The following NDRG2 variants were observed in gnomAD, a reference collection of about 807,000 sequenced individuals.
The protein encoded by NDRG2 is protein NDRG2.
In NDRG2, 34 loss-of-function variants were observed where a neutral mutation model predicts 58.2. The observed-to-expected ratio is 0.58, with a 90% CI of 0.44 to 0.78. The LOEUF (loss-of-function observed/expected upper bound fraction) is 0.78, where lower values mean the gene tolerates loss of function less well. NDRG2 is among the 30% of genes least tolerant of loss of function. The pLI, the probability that NDRG2 is intolerant of heterozygous loss-of-function variation, is 0.00. For synonymous variants in NDRG2, 187 were observed against 175.9 expected (o/e 1.06, Z -0.50); for missense variants, 434 against 471.2 (o/e 0.92, Z 0.73).
chr14:21,044,267 C>T (rs1885044644), intron 1 of NDRG2: 1 of 159,850 alleles, frequency 6.3e-6, no homozygotes, highest in Non-Finnish European at 1.5e-5. Context: ...GCATTTTATT[C>T]CTTCTCTCTC....
At position 21,045,253 on chromosome 14, in the gene NDRG2, G is replaced by A. The variant is rs537913011; in HGVS notation, c.25-21932C>T. 2.6e-5 allele frequency among the ~76,000 whole-genome samples: 4 copies of A among 152,310 alleles called. No homozygotes were observed. The South Asian group carries it at 8.3e-4, about 32-fold the overall frequency. ...CAGCCAGGTTGTCTGAGATGATGAG[G>A]AGAGAAAGTAAGGAAAGGATGATTA... On this transcript the variant is annotated intron_variant, in intron 1 of 14. Coordinates refer to the NDRG2 transcript ENST00000403829.
chr14:21,020,178 C>T (rs1441831761), intron 8 of NDRG2: 3 of 571,744 alleles, frequency 5.2e-6, no homozygotes, highest in East Asian at 3.1e-5. Context: ...CCTGTAATCC[C>T]AGCTACTTGG....
intron 1 of NDRG2, chr14:21,032,105 C>T: frequency 6.2e-7 from 1 of 1,603,400 alleles, no homozygotes. Context: ...GCCTGCTAGC[C>T]CCCTGACCCT....
At chr14:21,032,781 A>G (rs770032458) in intron 1 of NDRG2, 42 of 372,688 alleles carry the variant, frequency 1.1e-4, no homozygotes, top group Non-Finnish European at 1.8e-4. Context: ...GTTCTGGTGC[A>G]CTGAAGAAAA....
At chr14:21,025,682 C>T (rs1883493301), upstream of NDRG2, 2 of 985,188 alleles carry the variant, frequency 2.0e-6, no homozygotes, top group Non-Finnish European at 2.4e-6. This position sits in a 1 kb window ranked among gnomAD's most constrained non-coding sequence, Gnocchi z 5.1. Context: ...GGTACCTCTC[C>T]TCTCTTTGCT....
rs898471929 is a variant in NDRG2, at chr14:21,024,972, G to C, written c.-949C>G. The C allele has an allele frequency of 1.4e-5, 14 of 985,472 alleles. No individual in the cohort carries two copies. The African/African-American group carries it at 2.3e-4, about 16-fold the overall frequency. The allele number at this position is 985,472 out of a possible 1,614,324, so 61.0% of individuals were successfully genotyped here. ...GGGACGCGGATCAATCACACCGCCC[G>C]CCGGCCCGGCTGGCGCCTTCCAGGC... On this transcript the variant is annotated 5_prime_UTR_variant, in exon 1 of 16. Transcript: ENST00000556147.
At chr14:21,067,337 C>T (rs532195396) in intron 1 of NDRG2, among the ~76,000 whole-genome samples, 9 of 152,066 alleles carry the variant, frequency 5.9e-5, no homozygotes, top group African/African-American at 2.2e-4. Context: ...AACCTCAGTG[C>T]TGGCTTCTAC....
upstream of NDRG2, chr14:21,025,505 C>T (rs1284105340): frequency 4.1e-6 from 4 of 985,450 alleles, no homozygotes; most frequent in Non-Finnish European, 4.8e-6. The surrounding 1 kb of genome is among the most constrained non-coding windows in gnomAD (Gnocchi z 5.1). Flanking sequence ...TCGACTCCCC[C>T]CGCCCGAACA....
Position 21,062,800 on chromosome 14 carries a change from G to T in NDRG2, c.24+8028C>A, listed in dbSNP as rs922574727. 4.7e-5 allele frequency among the ~76,000 whole-genome samples: 7 copies of T among 149,938 alleles called. No individual in the cohort carries two copies. The East Asian group carries it at 1.2e-3, about 26-fold the overall frequency. ...GTTGTCCAGGCTGGAGTAGTGCAGT[G>T]GTGCGATCTCAGCTCACTGCAACCT... is the stretch of plus-strand genomic sequence containing the variant. On this transcript the variant is annotated intron_variant, in intron 1 of 14. Coordinates refer to the NDRG2 transcript ENST00000403829.
At chr14:21,031,642 C>G (rs1049605508) in intron 1 of NDRG2, among the ~76,000 whole-genome samples, 2 of 152,038 alleles carry the variant, frequency 1.3e-5, no homozygotes, top group Non-Finnish European at 2.9e-5. Flanking sequence ...CCTCTGGAAA[C>G]AAAAAACCTA....
chr14:21,051,177 C>T (rs1441731098), intron 1 of NDRG2, among the ~76,000 whole-genome samples: 1 of 152,158 alleles, frequency 6.6e-6, no homozygotes, highest in Non-Finnish European at 1.5e-5. Context: ...CCTTAACTTG[C>T]TCTTTGTGGA....
upstream of NDRG2, chr14:21,025,253 G>A (rs2139041689): frequency 2.3e-6 from 2 of 853,092 alleles, no homozygotes; most frequent in Non-Finnish European, 2.8e-6. The surrounding 1 kb of genome is among the most constrained non-coding windows in gnomAD (Gnocchi z 5.1). Flanking sequence ...GGGGCGGGCG[G>A]CTGGACGCTT....
chr14:21,037,984 G>T (rs1231242334), intron 1 of NDRG2, among the ~76,000 whole-genome samples: 1 of 152,174 alleles, frequency 6.6e-6, no homozygotes, highest in Non-Finnish European at 1.5e-5. Context: ...CTCTGAGTGG[G>T]CTCACCATGA....
intron 1 of NDRG2, among the ~76,000 whole-genome samples, chr14:21,067,146 A>G (rs139689175): frequency 2.0e-5 from 3 of 152,356 alleles, no homozygotes; most frequent in South Asian, 2.1e-4. Flanking sequence ...AAACCAGGCA[A>G]TAAGCAGTAC....
intron 1 of NDRG2, chr14:21,035,670 G>A: frequency 2.3e-6 from 1 of 427,372 alleles, no homozygotes; most frequent in Non-Finnish European, 4.7e-6. Context: ...AGGCCGCAGA[G>A]AGAAAGATTG....
At chr14:21,022,810 C>T in intron 3 of NDRG2, 54 bp downstream of exon 3, 2 of 1,577,436 alleles carry the variant, frequency 1.3e-6, no homozygotes, top group Non-Finnish European at 1.7e-6. Context: ...CATCCTTCTA[C>T]TGGGGAAGAG....
intron 1 of NDRG2, among the ~76,000 whole-genome samples, chr14:21,052,835 A>G (rs535546121): frequency 2.0e-5 from 3 of 152,348 alleles, no homozygotes; most frequent in Non-Finnish European, 2.9e-5. Context: ...AGGGTAGGCA[A>G]GGAGGCAGTT....
chr14:21,070,475 T>C lies in NDRG2; in HGVS notation c.24+353A>G. 7.4e-7 allele frequency: 1 copy of C among 1,348,078 alleles called. No individual in the cohort carries two copies. 83.5% of individuals were successfully genotyped at this position (1,348,078 alleles called of 1,614,324 possible). On this transcript the variant is annotated intron_variant, in intron 1 of 14. Transcript: ENST00000403829. This position sits in a 1 kb window ranked among gnomAD's most constrained non-coding sequence, Gnocchi z 4.7. ...GCTCCGGGCCCCCAAGTCCTCAGCC[T>C]GGTGCCTCCCGAGCCTGCCTCGGAC...
intron 13 of NDRG2, 64 bp downstream of exon 13, chr14:21,018,393 C>T (rs1020623834): frequency 6.2e-7 from 1 of 1,610,058 alleles, no homozygotes; most frequent in Non-Finnish European, 8.5e-7. Context: ...GCCCTGGAGG[C>T]TTAGCAGCTG....
Sources: gnomAD v4.1 joint callset for allele counts (sites outside exome capture counted in the v4.1 genomes callset) on GRCh38, gnomAD v4.1.1 for gene constraint, Gnocchi (gnomAD v3.1) non-coding constraint, MANE v1.5 for transcripts, NCBI Gene and HGNC (gene_info 2026-07-23, HGNC 2026-07-21) for gene names.